The following LPCAT3 variants were observed in gnomAD, a reference collection of about 807,000 sequenced individuals.
LPCAT3 encodes the protein lysophospholipid acyltransferase 5.
LPCAT3 carries 21 observed loss-of-function variants against 63.4 expected under a neutral mutation model. That is an observed-to-expected ratio of 0.33 (90% confidence interval 0.23 to 0.48). LPCAT3 has a LOEUF of 0.48. LPCAT3 is among the 20% of genes least tolerant of loss of function. The pLI, the probability that LPCAT3 is intolerant of heterozygous loss-of-function variation, is 0.99. For synonymous variants in LPCAT3, 242 were observed against 227.5 expected (o/e 1.06, Z -0.58); for missense variants, 451 against 590.6 (o/e 0.76, Z 2.45).
At chr12:6,989,775 G>A (rs73264625) in intron 1 of LPCAT3, among the ~76,000 whole-genome samples, 2,984 of 152,204 alleles carry the variant, frequency 0.02, 106 homozygotes, top group African/African-American at 0.069. Flanking sequence ...CATTGTTAGC[G>A]GGAACGTTTT....
intron 1 of LPCAT3, among the ~76,000 whole-genome samples, chr12:6,995,170 A>G (rs1478422509): frequency 6.6e-6 from 1 of 151,746 alleles, no homozygotes; most frequent in East Asian, 1.9e-4. Flanking sequence ...CAGGTCACAC[A>G]ACATTCAAAA....
rs367710006 is a variant in LPCAT3 at position 7,017,233 on chromosome 12, G to A, written c.151+1041C>T. ...TCCTTCCCACTCACCCGCTCCTAAA[G>A]TTCTATAACCTTCATAAAACGTTCC... On this transcript the variant is annotated intron_variant, in intron 1 of 12. Transcript: ENST00000261407. This position sits in a 1 kb window ranked among gnomAD's most constrained non-coding sequence, Gnocchi z 4.1. 3.2e-4 allele frequency among the ~76,000 whole-genome samples: 49 copies of A among 152,190 alleles called. No homozygotes were observed. Among genetic ancestry groups the A allele is most frequent in the African/African-American group, 1.2e-3 (49 of 41,514 alleles).
intron 6 of LPCAT3, chr12:6,980,021 CT>C (rs34110645): frequency 0.017 from 2,057 of 122,792 alleles, 20 homozygotes; most frequent in African/African-American, 0.04. Context: ...GGCAATTAAA[CT>C]TTTTTTTTTT....
At chr12:6,990,618 C>T (rs1279772242) in intron 1 of LPCAT3, among the ~76,000 whole-genome samples, 1 of 151,570 alleles carries the variant, frequency 6.6e-6, no homozygotes, top group Non-Finnish European at 1.5e-5. Flanking sequence ...TCAATGTCTA[C>T]TGTGTTAGAA....
At position 7,017,619 on chromosome 12, in the gene LPCAT3, T is replaced by C. The variant is rs77176940; in HGVS notation, c.151+655A>G. 0.02 allele frequency among the ~76,000 whole-genome samples: 3,016 copies of C among 152,264 alleles called. 102 individuals carry two copies. Among genetic ancestry groups the C allele is most frequent in the African/African-American group, 0.068 (2,819 of 41,544 alleles). ...TTGAACCACACGTGTAATAAACGCT[T>C]GGAATAGTATGGATCGATTTTAAGG... is the stretch of plus-strand genomic sequence containing the variant. On this transcript the variant is annotated intron_variant, in intron 1 of 12. Coordinates refer to ENST00000261407, the MANE Select transcript of LPCAT3 (RefSeq NM_005768.6). The surrounding 1 kb of genome is among the most constrained non-coding windows in gnomAD (Gnocchi z 4.1).
intron 1 of LPCAT3, among the ~76,000 whole-genome samples, chr12:6,988,641 G>A (rs1242992928): frequency 1.3e-5 from 2 of 152,180 alleles, no homozygotes; most frequent in African/African-American, 4.8e-5. Flanking sequence ...ACTCATCAGA[G>A]TTGGCTTCCG....
Position 6,977,838 on chromosome 12 carries a change from G to T in LPCAT3, c.1041-93C>A. ...GGTCCTCACCCTGAGGATTGGATTG[G>T]AGTGCTGGTGGGTTCCCACGTGTAG... On this transcript the variant is annotated intron_variant, in intron 9 of 12. Coordinates refer to ENST00000261407, the MANE Select transcript of LPCAT3 (RefSeq NM_005768.6). This position sits in a 1 kb window ranked among gnomAD's most constrained non-coding sequence, Gnocchi z 4.5. The T allele has an allele frequency of 2.0e-6, 3 of 1,487,514 alleles. No homozygotes were observed. The highest frequency in any genetic ancestry group is 1.4e-5 in the African/African-American group (1 of 72,462). The allele number at this position is 1,487,514 out of a possible 1,614,324, so 92.1% of individuals were successfully genotyped here.
rs1946421993 is a variant in LPCAT3, at chr12:6,977,571, C to T, written c.1188+27G>A. On this transcript the variant is annotated intron_variant, in intron 10 of 12. Transcript: ENST00000261407. This position sits in a 1 kb window ranked among gnomAD's most constrained non-coding sequence, Gnocchi z 4.5. ...CATCAGCATCTTGTCCCTTATATTC[C>T]CCTTCACCCCCACCCTGGAGGCCTA... is the stretch of plus-strand genomic sequence containing the variant. The T allele has an allele frequency of 1.2e-6, 2 of 1,614,142 alleles. No homozygotes were observed. The highest frequency in any genetic ancestry group is 1.7e-4 in the Middle Eastern group (1 of 6,060).
rs988829143 is a variant in LPCAT3 at position 7,017,098 on chromosome 12, G to C, written c.151+1176C>G. On this transcript the variant is annotated intron_variant, in intron 1 of 12. Transcript: ENST00000261407. The surrounding 1 kb of genome is among the most constrained non-coding windows in gnomAD (Gnocchi z 4.1). Reference sequence around the variant, plus strand: ...GCCAAACTTCTCTCTGGCATTTAAGGCTTTCCACACCTGCCCAACTTTATC... The same window carrying C: ...GCCAAACTTCTCTCTGGCATTTAAGCCTTTCCACACCTGCCCAACTTTATC... 6.6e-6 allele frequency among the ~76,000 whole-genome samples: 1 copy of C among 152,124 alleles called. No homozygotes were observed. The highest frequency in any genetic ancestry group is 1.5e-5 in the Non-Finnish European group (1 of 68,034).
intron 7 of LPCAT3, 140 bp from the exon 8 acceptor site, chr12:6,978,829 T>TATTGTGAAGGCAATCAG: frequency 8.1e-7 from 1 of 1,234,056 alleles, no homozygotes; most frequent in Non-Finnish European, 1.1e-6. Context: ...TAGTCTGGCC[T>TATTGTGAAGGCAATCAG]GATTGCCTTC....
intron 1 of LPCAT3, among the ~76,000 whole-genome samples, chr12:7,000,483 G>A (rs1461879139): frequency 3.9e-4 from 57 of 147,392 alleles, no homozygotes; most frequent in Admixed American, 3.9e-3. Context: ...AGCTACTCGG[G>A]AGGCTGAGGC....
intron 1 of LPCAT3, among the ~76,000 whole-genome samples, chr12:7,005,254 A>G (rs782166505): frequency 6.6e-6 from 1 of 152,362 alleles, no homozygotes; most frequent in East Asian, 1.9e-4. Flanking sequence ...TCTGTGTCGC[A>G]GCATGTGATC....
At position 6,977,861 on chromosome 12, in the gene LPCAT3, T is replaced by C. The variant is rs1459250730; in HGVS notation, c.1041-116A>G. On this transcript the variant is annotated intron_variant, in intron 9 of 12. Transcript: ENST00000261407. The surrounding 1 kb of genome is among the most constrained non-coding windows in gnomAD (Gnocchi z 4.5). ...TGGAGTGCTGGTGGGTTCCCACGTG[T>C]AGCCCCCAGAGGGTACAGGAGGCAG... 1.1e-5 allele frequency: 14 copies of C among 1,231,422 alleles called. No homozygotes were observed. The highest frequency in any genetic ancestry group is 1.4e-5 in the Non-Finnish European group (12 of 854,100). 76.3% of individuals were successfully genotyped at this position (1,231,422 alleles called of 1,614,324 possible).
chr12:7,012,556 AG>A (rs1202882140), intron 1 of LPCAT3, among the ~76,000 whole-genome samples: 1 of 152,340 alleles, frequency 6.6e-6, no homozygotes, highest in East Asian at 1.9e-4. Context: ...ACTATTATCA[AG>A]GGGTAGCAAC....
At chr12:6,990,111 G>A (rs922056941) in intron 1 of LPCAT3, among the ~76,000 whole-genome samples, 1 of 151,588 alleles carries the variant, frequency 6.6e-6, no homozygotes, top group Admixed American at 6.6e-5. Flanking sequence ...TGGGGAGACA[G>A]AAGCTACAAT....
intron 1 of LPCAT3, among the ~76,000 whole-genome samples, chr12:6,984,044 T>G (rs1435660315): frequency 6.6e-6 from 1 of 152,220 alleles, no homozygotes; most frequent in Non-Finnish European, 1.5e-5. Context: ...ATTTACACTT[T>G]GTGATCTATC....
intron 1 of LPCAT3, among the ~76,000 whole-genome samples, chr12:6,998,657 GTAGATCA>G (rs1555156285): frequency 1.3e-5 from 2 of 152,310 alleles, no homozygotes; most frequent in South Asian, 2.1e-4. Context: ...AAGAGCACTT[GTAGATCA>G]TGGACATTTA....
chr12:7,002,737 G>A (rs1174332615), intron 1 of LPCAT3, among the ~76,000 whole-genome samples: 1 of 152,218 alleles, frequency 6.6e-6, no homozygotes, highest in Non-Finnish European at 1.5e-5. Context: ...CTGGCCGGGC[G>A]CAGTGGCTAA....
At chr12:6,981,499 G>T in intron 5 of LPCAT3, 96 bp downstream of exon 5, 1 of 1,208,036 alleles carries the variant, frequency 8.3e-7, no homozygotes, top group Non-Finnish European at 1.2e-6. Context: ...TGAGGGAGAG[G>T]CTCCGCTCTG....
Sources: gnomAD v4.1 joint callset for allele counts (sites outside exome capture counted in the v4.1 genomes callset) on GRCh38, gnomAD v4.1.1 for gene constraint, Gnocchi (gnomAD v3.1) non-coding constraint, MANE v1.5 for transcripts, NCBI Gene and HGNC (gene_info 2026-07-23, HGNC 2026-07-21) for gene names.